INSC: variants seen among roughly 807,000 people sequenced by gnomAD.
INSC encodes INSC spindle orientation adaptor protein, also known as protein inscuteable homolog.
INSC carries 67 observed loss-of-function variants against 58.6 expected under a neutral mutation model. The ratio of observed to expected loss-of-function variants is 1.14; its 90% CI spans 0.94 to 1.40. The LOEUF (loss-of-function observed/expected upper bound fraction) is 1.40. Among genes scored for constraint, INSC ranks in the 40% most tolerant of loss-of-function variants. The pLI is 0.00. For synonymous variants in INSC, 262 were observed against 276.1 expected (o/e 0.95, Z 0.51); for missense variants, 714 against 692.0 (o/e 1.03, Z -0.36).
intron 2 of INSC, among the ~76,000 whole-genome samples, chr11:15,155,793 A>G (rs1033563096): frequency 3.4e-4 from 52 of 152,258 alleles, no homozygotes; most frequent in African/African-American, 1.1e-3. Context: ...CAAGAAAAGA[A>G]TAGGCATAGA....
chr11:15,259,412 T>C, the INSC span, among the ~76,000 whole-genome samples: 2 of 152,150 alleles, frequency 1.3e-5, no homozygotes, highest in African/African-American at 4.8e-5. Flanking sequence ...TAGATAATAA[T>C]AGAGTTAAAT....
chr11:15,184,964 G>T (rs1016766372), intron 5 of INSC, among the ~76,000 whole-genome samples: 2 of 152,208 alleles, frequency 1.3e-5, no homozygotes, highest in South Asian at 2.1e-4. Context: ...GTGACTCAAG[G>T]TACTCTTAAG....
At chr11:15,138,214 G>C (rs890928996) in intron 1 of INSC, among the ~76,000 whole-genome samples, 1 of 152,064 alleles carries the variant, frequency 6.6e-6, no homozygotes, top group African/African-American at 2.4e-5. Flanking sequence ...AAAGATCACT[G>C]ATCACAGATC....
intron 7 of INSC, among the ~76,000 whole-genome samples, chr11:15,218,757 G>A (rs1343940185): frequency 6.6e-6 from 1 of 152,144 alleles, no homozygotes. Context: ...TCAGGATGGG[G>A]TCACTTTCCT....
intron 7 of INSC, among the ~76,000 whole-genome samples, chr11:15,219,537 C>T (rs1851357278): frequency 6.6e-6 from 1 of 152,008 alleles, no homozygotes; most frequent in Non-Finnish European, 1.5e-5. Flanking sequence ...GGCCTGGCAG[C>T]CAGGCCTTGG....
chr11:15,145,771 G>A (rs1216438355), intron 1 of INSC, among the ~76,000 whole-genome samples: 1 of 152,186 alleles, frequency 6.6e-6, no homozygotes, highest in Admixed American at 6.5e-5. Context: ...GTGTCACTGA[G>A]GGCTGGCACT....
chr11:15,234,915 C>A (rs1416501759), intron 9 of INSC, among the ~76,000 whole-genome samples: 1 of 152,134 alleles, frequency 6.6e-6, no homozygotes, highest in South Asian at 2.1e-4. Context: ...TGGTTACAAC[C>A]CACAAAGCTG....
At chr11:15,200,701 G>C in intron 6 of INSC, 123 bp from the exon 7 acceptor site, 4 of 1,214,070 alleles carry the variant, frequency 3.3e-6, no homozygotes, top group Non-Finnish European at 4.7e-6. Flanking sequence ...TGTGGGGCGG[G>C]GGTTGCTGGA....
intron 9 of INSC, among the ~76,000 whole-genome samples, chr11:15,228,536 T>G (rs1318961733): frequency 6.6e-6 from 1 of 152,202 alleles, no homozygotes; most frequent in African/African-American, 2.4e-5. Flanking sequence ...AAGAAACAAA[T>G]GGCTCTTTCC....
chr11:15,112,739 G>A (rs1310029239), upstream of INSC, among the ~76,000 whole-genome samples: 1 of 151,934 alleles, frequency 6.6e-6, no homozygotes, highest in Non-Finnish European at 1.5e-5. Flanking sequence ...CACAGAGTTT[G>A]GGCCTGGAAA....
In INSC at chr11:15,120,068, C is replaced by T. The variant is rs571008888; in HGVS notation, c.-46+5065C>T. Among the ~76,000 whole-genome samples the T allele has an allele frequency of 3.3e-5, 5 of 152,332 alleles. No individual in the cohort carries two copies. In the East Asian group the frequency reaches 9.6e-4, roughly 29 times the overall value. On this transcript the variant is annotated intron_variant, in intron 1 of 12. Transcript: ENST00000379556. ...CACTGTGTTATCTTGGGTTAAGTCA[C>T]TTACCTTCTCTGAGCCTCCCTTTCC...
At chr11:15,178,049 T>C (rs1849632834) in intron 4 of INSC, among the ~76,000 whole-genome samples, 2 of 152,220 alleles carry the variant, frequency 1.3e-5, no homozygotes. Flanking sequence ...TGGCAGATTC[T>C]GCAGGGAGAA....
At chr11:15,208,934 G>A (rs1850916315) in intron 7 of INSC, among the ~76,000 whole-genome samples, 1 of 152,214 alleles carries the variant, frequency 6.6e-6, no homozygotes, top group South Asian at 2.1e-4. Flanking sequence ...GTGTGGGGCG[G>A]AGTGAGTGGG....
intron 8 of INSC, among the ~76,000 whole-genome samples, chr11:15,224,062 T>G (rs1851543175): frequency 6.6e-6 from 1 of 152,206 alleles, no homozygotes; most frequent in African/African-American, 2.4e-5. Context: ...CTCAAACAGT[T>G]ACTTACTGGC....
At position 15,178,360 on chromosome 11, in the gene INSC, A is replaced by G. The variant is rs1849646040; in HGVS notation, c.492A>G (p.Ser164=). ...TTGAGAATGAGCATGTCCTGAAGTCAATGAAGGCCTGCGTGAGTGAGACCC... is the reference window on the plus strand; with the variant it reads ...TTGAGAATGAGCATGTCCTGAAGTCGATGAAGGCCTGCGTGAGTGAGACCC... ...LQVENEHVLK[S]MKACVSETLS... is the part of the protein sequence containing the mutation. Residue 164 remains serine (S), a synonymous_variant, in exon 5 of 13, where the codon TCA becomes TCG. Transcript: ENST00000379556. 1.2e-6 allele frequency: 2 copies of G among 1,613,830 alleles called. No homozygotes were observed. Among genetic ancestry groups the G allele is most frequent in the South Asian group, 1.1e-5 (1 of 91,086 alleles).
chr11:15,135,766 A>G (rs556322597), intron 1 of INSC, among the ~76,000 whole-genome samples: 2 of 152,328 alleles, frequency 1.3e-5, no homozygotes, highest in South Asian at 2.1e-4. Context: ...TTGTGCTGCT[A>G]TAACAGAATG....
At chr11:15,218,289 C>A (rs1213635530) in intron 7 of INSC, among the ~76,000 whole-genome samples, 2 of 152,118 alleles carry the variant, frequency 1.3e-5, no homozygotes, top group Non-Finnish European at 2.9e-5. Context: ...TTGCCATATT[C>A]AGCATTATAC....
intron 1 of INSC, among the ~76,000 whole-genome samples, chr11:15,130,752 C>G (rs1264122916): frequency 6.6e-6 from 1 of 151,990 alleles, no homozygotes; most frequent in Non-Finnish European, 1.5e-5. Context: ...GGTTATAGAT[C>G]TATTTTTTCT....
chr11:15,123,779 G>T (rs1847927046), intron 1 of INSC, among the ~76,000 whole-genome samples: 1 of 152,182 alleles, frequency 6.6e-6, no homozygotes, highest in Non-Finnish European at 1.5e-5. Flanking sequence ...GATAGAAGGG[G>T]TTCCCAGGTG....
Sources: gnomAD v4.1 joint callset for allele counts (sites outside exome capture counted in the v4.1 genomes callset) on GRCh38, gnomAD v4.1.1 for gene constraint, MANE v1.5 for transcripts, NCBI Gene and HGNC (gene_info 2026-07-23, HGNC 2026-07-21) for gene names.